ENTREP2: variants seen among roughly 807,000 people sequenced by gnomAD.
ENTREP2 encodes protein ENTREP2.
the ENTREP2 span, among the ~76,000 whole-genome samples, chr15:29,430,134 A>C: frequency 6.6e-6 from 1 of 152,142 alleles, no homozygotes; most frequent in Admixed American, 6.5e-5. Context: ...GGGGAAAGGC[A>C]AGAAGGCTTT....
At chr15:29,466,715 G>A in the ENTREP2 span, among the ~76,000 whole-genome samples, 5 of 131,022 alleles carry the variant, frequency 3.8e-5, no homozygotes, top group Non-Finnish European at 8.1e-5. Context: ...CCCAGGGGAG[G>A]GCCCAGGGGT....
the ENTREP2 span, among the ~76,000 whole-genome samples, chr15:29,637,167 G>C: frequency 6.6e-6 from 1 of 152,144 alleles, no homozygotes; most frequent in Non-Finnish European, 1.5e-5. Context: ...TTCTGCTTAG[G>C]AACTGATGTC....
At chr15:29,539,249 A>T in the ENTREP2 span, among the ~76,000 whole-genome samples, 1 of 126,478 alleles carries the variant, frequency 7.9e-6, no homozygotes, top group East Asian at 2.5e-4. Flanking sequence ...GTCAGACCTC[A>T]TGCTTCCTAA....
chr15:29,295,373 CT>C, the ENTREP2 span, among the ~76,000 whole-genome samples: 1 of 152,178 alleles, frequency 6.6e-6, no homozygotes, highest in Non-Finnish European at 1.5e-5. Context: ...CAGGAAGCCA[CT>C]GCTGAATTGA....
chr15:29,194,958 T>C, the ENTREP2 span, among the ~76,000 whole-genome samples: 2 of 152,102 alleles, frequency 1.3e-5, no homozygotes, highest in Non-Finnish European at 2.9e-5. Flanking sequence ...TTAGCAGTTG[T>C]CAGAATGAGA....
At chr15:29,618,147 G>A in the ENTREP2 span, among the ~76,000 whole-genome samples, 1 of 152,096 alleles carries the variant, frequency 6.6e-6, no homozygotes, top group Non-Finnish European at 1.5e-5. Flanking sequence ...ACAGAGGCCG[G>A]GCGTGGTAGC....
At chr15:29,288,945 C>T in the ENTREP2 span, among the ~76,000 whole-genome samples, 4 of 152,154 alleles carry the variant, frequency 2.6e-5, no homozygotes, top group South Asian at 2.1e-4. Context: ...CAGAGGCTCA[C>T]GCCTGTAATT....
chr15:29,132,995 T>C, the ENTREP2 span, among the ~76,000 whole-genome samples: 5 of 152,144 alleles, frequency 3.3e-5, no homozygotes, highest in African/African-American at 1.2e-4. Context: ...AAGGCAGCCA[T>C]GGGGAACCAC....
chr15:29,535,469 A>G, the ENTREP2 span, among the ~76,000 whole-genome samples: 150 of 151,570 alleles, frequency 9.9e-4, 1 homozygote, highest in African/African-American at 3.6e-3. Flanking sequence ...GGACTGCTTG[A>G]GTCTTGAGCC....
the ENTREP2 span, among the ~76,000 whole-genome samples, chr15:29,488,287 A>T: frequency 1.3e-5 from 2 of 152,214 alleles, no homozygotes; most frequent in Non-Finnish European, 2.9e-5. Flanking sequence ...GAATTTTTTT[A>T]AAAATCACTA....
At chr15:29,159,860 A>G in the ENTREP2 span, among the ~76,000 whole-genome samples, 1 of 152,390 alleles carries the variant, frequency 6.6e-6, no homozygotes, top group African/African-American at 2.4e-5. Flanking sequence ...TCAGGAGCCC[A>G]GCTGGCTTCA....
chr15:29,462,068 A>G, the ENTREP2 span, among the ~76,000 whole-genome samples: 1 of 152,160 alleles, frequency 6.6e-6, no homozygotes, highest in African/African-American at 2.4e-5. Flanking sequence ...ATGGTGCAGC[A>G]TGTGTCAGAA....
chr15:29,136,549 G>A, the ENTREP2 span: 4 of 1,535,016 alleles, frequency 2.6e-6, no homozygotes, highest in African/African-American at 4.1e-5. Flanking sequence ...GGAGGAGGCA[G>A]AAGTGCTGAC....
the ENTREP2 span, among the ~76,000 whole-genome samples, chr15:29,410,887 G>A: frequency 1.3e-5 from 2 of 152,200 alleles, no homozygotes; most frequent in Admixed American, 6.5e-5. Flanking sequence ...CCAGGTTCAA[G>A]CAATTCTCCT....
the ENTREP2 span, among the ~76,000 whole-genome samples, chr15:29,241,502 A>T: frequency 6.6e-6 from 1 of 152,132 alleles, no homozygotes; most frequent in Non-Finnish European, 1.5e-5. Context: ...GAGGAGGGAG[A>T]CTTTGTTTTG....
the ENTREP2 span, among the ~76,000 whole-genome samples, chr15:29,313,239 A>T: frequency 1.2e-3 from 183 of 152,360 alleles, no homozygotes; most frequent in African/African-American, 3.9e-3. Flanking sequence ...CAAGTCCAGA[A>T]GATCCAGCTA....
chr15:29,243,142 C>G, the ENTREP2 span, among the ~76,000 whole-genome samples: 1 of 151,628 alleles, frequency 6.6e-6, no homozygotes, highest in East Asian at 1.9e-4. Context: ...TGAACACACA[C>G]ACACAGACAC....
chr15:29,445,792 G>C, the ENTREP2 span, among the ~76,000 whole-genome samples: 6 of 152,336 alleles, frequency 3.9e-5, no homozygotes, highest in African/African-American at 1.4e-4. Context: ...CCATCAGTCA[G>C]AGGTACAGAT....
the ENTREP2 span, among the ~76,000 whole-genome samples, chr15:29,388,570 G>A: frequency 1.3e-5 from 2 of 152,260 alleles, no homozygotes; most frequent in African/African-American, 4.8e-5. Flanking sequence ...ATTCCTCAGG[G>A]ATCTAGAACT....
Sources: gnomAD v4.1 joint callset for allele counts (sites outside exome capture counted in the v4.1 genomes callset) on GRCh38, gnomAD v4.1.1 for gene constraint, MANE v1.5 for transcripts, NCBI Gene and HGNC (gene_info 2026-07-23, HGNC 2026-07-21) for gene names.